Variants in NUBPL observed in about 807,000 individuals in gnomAD.
NUBPL encodes the protein iron-sulfur cluster transfer protein NUBPL.
In NUBPL, 31 loss-of-function variants were observed where a neutral mutation model predicts 45.7. The observed-to-expected ratio is 0.68, with a 90% confidence interval of 0.51 to 0.92. The LOEUF (loss-of-function observed/expected upper bound fraction) is 0.92, where lower values mean the gene tolerates loss of function less well. NUBPL is among the 40% of genes least tolerant of loss of function. NUBPL has a pLI of 0.00. For missense variants in NUBPL, 401 were observed against 398.7 expected (o/e 1.01, Z -0.05); for synonymous variants, 144 against 140.9 (o/e 1.02, Z -0.15).
At chr14:31,581,093 A>G (rs535196999) in intron 3 of NUBPL, among the ~76,000 whole-genome samples, 4 of 152,030 alleles carry the variant, frequency 2.6e-5, no homozygotes, top group African/African-American at 7.2e-5. Flanking sequence ...AGCTTGGACT[A>G]TGGTGGTAGA....
intron 6 of NUBPL, among the ~76,000 whole-genome samples, chr14:31,704,124 G>A (rs141812124): frequency 3.7e-4 from 56 of 152,214 alleles, no homozygotes; most frequent in African/African-American, 1.3e-3. Flanking sequence ...CTGACAGAGG[G>A]GTGGTGTTGG....
At chr14:31,650,287 CTTTTT>C (rs35127795) in intron 4 of NUBPL, among the ~76,000 whole-genome samples, 10 of 116,588 alleles carry the variant, frequency 8.6e-5, no homozygotes, top group Admixed American at 9.0e-5. Context: ...GGCTTTCTTT[CTTTTT>C]TTTTTTTTTT....
At chr14:31,595,286 G>A (rs2034253735) in intron 3 of NUBPL, among the ~76,000 whole-genome samples, 2 of 152,146 alleles carry the variant, frequency 1.3e-5, no homozygotes, top group African/African-American at 4.8e-5. Flanking sequence ...CTTGTTTTAT[G>A]TCATCTGCTA....
At position 31,795,163 on chromosome 14, in the gene NUBPL, T is replaced by C. The variant is rs1197515859; in HGVS notation, c.607+7290T>C. Among the ~76,000 whole-genome samples the C allele has an allele frequency of 9.7e-3, 1,461 of 150,478 alleles. 6 individuals are homozygous for C. Among genetic ancestry groups the C allele is most frequent in the African/African-American group, 0.034 (1,387 of 40,452 alleles). The stretch of plus-strand genomic sequence containing the variant: ...TGTAGTATAGTTTGAAGTCAGGTAG[T>C]GTGATGCCTCCAGCTTTGTTCTTTT... On this transcript the variant is annotated intron_variant, in intron 7 of 10. Transcript: ENST00000281081.
At chr14:31,854,280 T>A (rs2040584307) in intron 10 of NUBPL, among the ~76,000 whole-genome samples, 1 of 152,156 alleles carries the variant, frequency 6.6e-6, no homozygotes, top group South Asian at 2.1e-4. Context: ...AACAAAAAGA[T>A]CTTGAATAGG....
chr14:31,721,649 G>A (rs1227916271), intron 6 of NUBPL, among the ~76,000 whole-genome samples: 2 of 151,492 alleles, frequency 1.3e-5, no homozygotes, highest in Non-Finnish European at 2.9e-5. Context: ...AGGTTCTGTG[G>A]TACATGTGCA....
chr14:31,856,430 C>T (rs2040621242), intron 10 of NUBPL, among the ~76,000 whole-genome samples: 1 of 152,120 alleles, frequency 6.6e-6, no homozygotes, highest in Admixed American at 6.5e-5. Context: ...CCCAGCCCCT[C>T]CCAAATCACA....
chr14:31,661,941 C>T (rs2036279570), intron 4 of NUBPL: 1 of 152,314 alleles, frequency 6.6e-6, no homozygotes, highest in East Asian at 1.9e-4. Flanking sequence ...TGCCTCAATG[C>T]TGCATCCTTC....
At chr14:31,651,877 C>CT (rs2036014880) in intron 4 of NUBPL, among the ~76,000 whole-genome samples, 3 of 136,790 alleles carry the variant, frequency 2.2e-5, no homozygotes, top group African/African-American at 8.3e-5. Flanking sequence ...CCAGCCTGGG[C>CT]AACAGAGCGA....
At chr14:31,658,167 T>C (rs2036185789) in intron 4 of NUBPL, among the ~76,000 whole-genome samples, 1 of 152,228 alleles carries the variant, frequency 6.6e-6, no homozygotes, top group African/African-American at 2.4e-5. Context: ...TCATATTAGC[T>C]AACCTTTCAA....
chr14:31,641,550 A>G (rs2035700025), intron 4 of NUBPL, among the ~76,000 whole-genome samples: 1 of 152,176 alleles, frequency 6.6e-6, no homozygotes, highest in African/African-American at 2.4e-5. Context: ...TTGTGTATAT[A>G]TGCATAATAT....
intron 6 of NUBPL, among the ~76,000 whole-genome samples, chr14:31,755,443 G>C (rs1021505832): frequency 6.6e-6 from 1 of 152,214 alleles, no homozygotes; most frequent in Non-Finnish European, 1.5e-5. Flanking sequence ...TTTCTCTGAT[G>C]GCCGGTGATG....
At chr14:31,663,104 ATTTG>A (rs1347790806) in intron 4 of NUBPL, among the ~76,000 whole-genome samples, 4 of 152,048 alleles carry the variant, frequency 2.6e-5, no homozygotes, top group Admixed American at 2.0e-4. Context: ...TTTCTTGTAA[ATTTG>A]TTTAAGTTCC....
intron 3 of NUBPL, among the ~76,000 whole-genome samples, chr14:31,578,499 A>G (rs2033776184): frequency 6.6e-6 from 1 of 152,228 alleles, no homozygotes; most frequent in Admixed American, 6.5e-5. Flanking sequence ...GGTCAGCACC[A>G]CTGTGCAGAA....
chr14:31,691,820 C>T (rs1445720663), intron 6 of NUBPL, among the ~76,000 whole-genome samples: 1 of 152,146 alleles, frequency 6.6e-6, no homozygotes, highest in Admixed American at 6.6e-5. Context: ...CCTTTACCAA[C>T]CTCTGCAGCT....
intron 6 of NUBPL, among the ~76,000 whole-genome samples, chr14:31,725,025 G>A (rs923716419): frequency 6.6e-6 from 1 of 151,864 alleles, no homozygotes; most frequent in African/African-American, 2.4e-5. Flanking sequence ...ATGTCATCTA[G>A]TATCTTATAG....
intron 3 of NUBPL, among the ~76,000 whole-genome samples, chr14:31,598,538 A>G (rs1402031004): frequency 3.9e-5 from 6 of 152,150 alleles, no homozygotes; most frequent in Non-Finnish European, 8.8e-5. Flanking sequence ...AAAGAGACAT[A>G]TTTTTTAATA....
At chr14:31,665,906 G>A (rs1370855232) in intron 4 of NUBPL, among the ~76,000 whole-genome samples, 5 of 152,158 alleles carry the variant, frequency 3.3e-5, no homozygotes, top group East Asian at 3.9e-4. Flanking sequence ...TTGTGAATCC[G>A]GGTGCTCCTG....
At chr14:31,841,295 C>T (rs1289184926) in intron 8 of NUBPL, among the ~76,000 whole-genome samples, 1 of 152,292 alleles carries the variant, frequency 6.6e-6, no homozygotes, top group African/African-American at 2.4e-5. Flanking sequence ...TACCCATTTC[C>T]ACTCAACTGA....
Sources: gnomAD v4.1 joint callset for allele counts (sites outside exome capture counted in the v4.1 genomes callset) on GRCh38, gnomAD v4.1.1 for gene constraint, MANE v1.5 for transcripts, NCBI Gene and HGNC (gene_info 2026-07-23, HGNC 2026-07-21) for gene names.